Variants in SPDYE5 observed in about 807,000 individuals in gnomAD.
The protein encoded by SPDYE5 is speedy protein E5.
Under a neutral mutation model 48.5 loss-of-function variants are expected in SPDYE5, and 15 were observed. That is an observed-to-expected ratio of 0.31 (90% CI 0.21 to 0.48). The LOEUF (loss-of-function observed/expected upper bound fraction) is 0.48, where lower values mean the gene tolerates loss of function less well. Among genes scored for constraint, SPDYE5 ranks in the 20% least tolerant of loss-of-function variants. SPDYE5 has a pLI of 0.99. For missense variants in SPDYE5, 331 were observed against 549.1 expected, an observed-to-expected ratio of 0.60 and a Z score of 3.97; for synonymous variants, 116 against 200.7, an observed-to-expected ratio of 0.58 and a Z score of 3.57.
chr7:75,495,372 T>A lies in SPDYE5; in HGVS notation c.377T>A (p.Leu126His), dbSNP rs781930607. 3 of 1,597,600 alleles carry A rather than the reference T, an allele frequency of 1.9e-6. No homozygotes were observed. The South Asian group carries it at 3.3e-5, about 18-fold the overall frequency. ...PEHHKGFNSQ[L>H]APGVDPSPPH... Reference sequence around the variant, plus strand: ...CACCACAAGGGCTTCAACAGTCAGCTTGGTAGGAGGACACCCCAGAGAGCA... The same window carrying A: ...CACCACAAGGGCTTCAACAGTCAGCATGGTAGGAGGACACCCCAGAGAGCA... The change falls in exon 3 of 9, where the codon CTT becomes CAT. Residue 126 changes from leucine (L) to histidine (H), a missense_variant and splice_region_variant. This residue lies in a region of SPDYE5 where 65 missense variants were observed against 138.2 expected (regional missense o/e 0.47). Transcript: ENST00000625065.
At position 75,502,909 on chromosome 7, in the gene SPDYE5, G is replaced by C; in HGVS notation, c.*122G>C. 1.1e-6 allele frequency: 1 copy of C among 936,332 alleles called. No homozygotes were observed. The highest frequency in any genetic ancestry group is 1.3e-5 in the South Asian group (1 of 75,082). The allele number at this position is 936,332 out of a possible 1,614,324, so 58.0% of individuals were successfully genotyped here. A position where few individuals can be genotyped will look rare whatever the true frequency, so the allele number is the denominator to read the frequency against. The stretch of plus-strand genomic sequence containing the variant: ...GCTAATGGCAGACACCAGGAAGGAG[G>C]AGAGGAACCATTTGTGCAGATCATC... On this transcript the variant is annotated 3_prime_UTR_variant, in exon 9 of 9. Transcript: ENST00000625065.
chr7:75,494,083 A>G lies in SPDYE5; in HGVS notation c.36A>G (p.Gly12=). 1.4e-5 allele frequency: 21 copies of G among 1,534,512 alleles called. No individual in the cohort carries two copies. Among genetic ancestry groups the G allele is most frequent in the Non-Finnish European group, 1.8e-5 (21 of 1,146,630 alleles). Residue 12 remains glycine (G), a synonymous_variant, in exon 2 of 9, where the codon GGA becomes GGG. Coordinates refer to ENST00000625065, the MANE Select transcript of SPDYE5 (RefSeq NM_001306141.4). ...DRTETRFRKR[G]QITEKITTSR... ...CGGAGACTAGGTTCCGTAAGAGGGG[A>G]CAGATTACGGAAAAGATCACGACCA...
At chr7:75,494,247 C>T (rs1304947202) in intron 2 of SPDYE5, 40 bp downstream of exon 2, 9 of 1,532,558 alleles carry the variant, frequency 5.9e-6, no homozygotes, top group Non-Finnish European at 7.9e-6. Context: ...ATAGGATTGA[C>T]TAAGACGAAG....
At chr7:75,492,954 C>A (rs1342119317) in intron 1 of SPDYE5, among the ~76,000 whole-genome samples, 8 of 152,154 alleles carry the variant, frequency 5.3e-5, no homozygotes, top group Non-Finnish European at 8.8e-5. Flanking sequence ...AGCCACCACA[C>A]CTGGCTAATT....
intron 2 of SPDYE5, among the ~76,000 whole-genome samples, chr7:75,494,445 G>A (rs1246383567): frequency 3.0e-4 from 45 of 151,578 alleles, no homozygotes; most frequent in Admixed American, 2.6e-3. Flanking sequence ...TACTCAGGAG[G>A]CTGAGACAGG....
intron 8 of SPDYE5, among the ~76,000 whole-genome samples, chr7:75,502,446 G>T (rs1274083262): frequency 2.0e-5 from 3 of 152,116 alleles, no homozygotes; most frequent in African/African-American, 7.2e-5. Flanking sequence ...TGGACTCGTG[G>T]TTCGTGATGT....
chr7:75,494,028 G>C lies in SPDYE5; in HGVS notation c.-20G>C. On this transcript the variant is annotated 5_prime_UTR_variant, in exon 2 of 9. Coordinates refer to ENST00000625065, the MANE Select transcript of SPDYE5 (RefSeq NM_001306141.4). The stretch of plus-strand genomic sequence containing the variant: ...TGATAACATACTCTTCTGGATCCTA[G>C]CAGTGATCAGAAGAAGGCCATGGAC... 1.0e-6 allele frequency: 1 copy of C among 976,176 alleles called. No individual in the cohort carries two copies. Among genetic ancestry groups the C allele is most frequent in the East Asian group, 2.7e-5 (1 of 37,724 alleles). 60.5% of individuals were successfully genotyped at this position (976,176 alleles called of 1,614,324 possible).
Position 75,502,868 on chromosome 7 carries a change from G to C in SPDYE5, c.*81G>C, listed in dbSNP as rs1167970821. The C allele has an allele frequency of 1.1e-6, 1 of 930,628 alleles. No homozygotes were observed. The highest frequency in any genetic ancestry group is 1.5e-6 in the Non-Finnish European group (1 of 687,476). 57.6% of individuals were successfully genotyped at this position (930,628 alleles called of 1,614,324 possible). A position where few individuals can be genotyped will look rare whatever the true frequency, so the allele number is the denominator to read the frequency against. ...CCAGGGGAGATGTGGATTTTCAGCA[G>C]GAACTTTATTCCAATGCTAATGGCA... On this transcript the variant is annotated 3_prime_UTR_variant, in exon 9 of 9. Coordinates refer to ENST00000625065, the MANE Select transcript of SPDYE5 (RefSeq NM_001306141.4).
chr7:75,494,032 T>C lies in SPDYE5; in HGVS notation c.-16T>C, dbSNP rs1327379885. The C allele has an allele frequency of 8.3e-7, 1 of 1,202,222 alleles. No individual in the cohort carries two copies. The highest frequency in any genetic ancestry group is 1.6e-5 in the African/African-American group (1 of 61,204). The allele number at this position is 1,202,222 out of a possible 1,614,324, so 74.5% of individuals were successfully genotyped here. On this transcript the variant is annotated 5_prime_UTR_variant, in exon 2 of 9. Coordinates refer to ENST00000625065, the MANE Select transcript of SPDYE5 (RefSeq NM_001306141.4). ...AACATACTCTTCTGGATCCTAGCAG[T>C]GATCAGAAGAAGGCCATGGACAGAA... is the stretch of plus-strand genomic sequence containing the variant.
chr7:75,501,924 C>T lies in SPDYE5; in HGVS notation c.1196C>T (p.Ala399Val). The T allele has an allele frequency of 3.1e-6, 5 of 1,609,538 alleles. No homozygotes were observed. Among genetic ancestry groups the T allele is most frequent in the Non-Finnish European group, 4.2e-6 (5 of 1,178,936 alleles). The stretch of plus-strand genomic sequence containing the variant: ...CACTGGGTGTGGGCGCGAGATCGCG[C>T]TCACCTTTCCTAGAGCTCCAGGGAC... ...PEHWVWARDR[A>V]HLS is the part of the protein sequence containing the mutation. The change falls in exon 8 of 9, where the codon GCT becomes GTT. Residue 399 changes from alanine (A) to valine (V), a missense_variant. Transcript: ENST00000625065.
chr7:75,494,390 A>G (rs1401573195), intron 2 of SPDYE5, among the ~76,000 whole-genome samples, 183 bp downstream of exon 2: 1 of 151,466 alleles, frequency 6.6e-6, no homozygotes, highest in East Asian at 1.9e-4. Flanking sequence ...TACTAAAAGT[A>G]TAAAAATTAG....
chr7:75,497,874 GC>G, intron 4 of SPDYE5, 63 bp from the exon 5 acceptor site: 1 of 1,456,356 alleles, frequency 6.9e-7, no homozygotes, highest in Non-Finnish European at 9.5e-7. Flanking sequence ...TCTCCTCGCT[GC>G]CCTGCTGCTC....
In SPDYE5 at chr7:75,501,198, GTC is replaced by G. The variant is rs1306199382; in HGVS notation, c.756-160_756-159del. ...AGGAGTGGGAGACGCCCTTGATCAG[GTC>G]TCTGTCCAGCAGAGCCCTCCTGAGG... On this transcript the variant is annotated intron_variant, in intron 6 of 8. Coordinates refer to ENST00000625065, the MANE Select transcript of SPDYE5 (RefSeq NM_001306141.4). Among the ~76,000 whole-genome samples the G allele has an allele frequency of 2.0e-5, 3 of 152,116 alleles. No homozygotes were observed. In the East Asian group the frequency reaches 5.8e-4, roughly 30 times the overall value.
chr7:75,499,768 A>AAAAC (rs1793075467), intron 6 of SPDYE5, among the ~76,000 whole-genome samples: 1 of 63,770 alleles, frequency 1.6e-5, no homozygotes, highest in Non-Finnish European at 3.1e-5. Flanking sequence ...CTTTTTCTCA[A>AAAAC]AAAAAAAAAA....
At chr7:75,493,101 T>G (rs1792796305) in intron 1 of SPDYE5, among the ~76,000 whole-genome samples, 1 of 152,188 alleles carries the variant, frequency 6.6e-6, no homozygotes, top group Non-Finnish European at 1.5e-5. Context: ...TGTGCACAGC[T>G]GAAATTTTCG....
In SPDYE5 at chr7:75,494,133, A is replaced by G; in HGVS notation, c.86A>G (p.Glu29Gly). The stretch of plus-strand genomic sequence containing the variant: ...AGCCGTCAACCGCAACCCCAGAATG[A>G]GCAGAGTCCCCAGCGGAGCACCTCG... ...TTSRQPQPQN[E>G]QSPQRSTSGY... Residue 29 changes from glutamate to glycine, a missense_variant, in exon 2 of 9, where the codon GAG (glutamate) becomes GGG (glycine). This residue lies in a region of SPDYE5 where 67 missense variants were observed against 55.7 expected (regional missense o/e 1.20). Transcript: ENST00000625065. The G allele has an allele frequency of 1.3e-6, 2 of 1,535,448 alleles. No individual in the cohort carries two copies. Among genetic ancestry groups the G allele is most frequent in the South Asian group, 1.2e-5 (1 of 83,970 alleles).
At chr7:75,499,765 T>C (rs1301466182) in intron 6 of SPDYE5, among the ~76,000 whole-genome samples, 1 of 8,784 alleles carries the variant, frequency 1.1e-4, no homozygotes, top group African/African-American at 2.7e-4. Context: ...AGACTTTTTC[T>C]CAAAAAAAAA....
chr7:75,502,224 C>T (rs1793185930), intron 8 of SPDYE5, among the ~76,000 whole-genome samples: 1 of 146,278 alleles, frequency 6.8e-6, no homozygotes, highest in South Asian at 2.2e-4. Context: ...GATCCTGCCA[C>T]TGCACTCCAG....
At chr7:75,494,333 G>A in intron 2 of SPDYE5, 126 bp downstream of exon 2, 2 of 1,349,400 alleles carry the variant, frequency 1.5e-6, no homozygotes, top group East Asian at 5.0e-5. Flanking sequence ...ATCACCTGAG[G>A]TCAGGAGTTC....
Sources: gnomAD v4.1 joint callset for allele counts (sites outside exome capture counted in the v4.1 genomes callset) on GRCh38, gnomAD v4.1.1 for gene constraint, gnomAD v4.1.1 regional missense constraint, MANE v1.5 for transcripts, NCBI Gene and HGNC (gene_info 2026-07-23, HGNC 2026-07-21) for gene names.